The following ADAMTS12 variants were observed in gnomAD, a reference collection of about 807,000 sequenced individuals.
The protein encoded by ADAMTS12 is A disintegrin and metalloproteinase with thrombospondin motifs 12.
ADAMTS12 carries 118 observed loss-of-function variants against 167.8 expected under a neutral mutation model. The ratio of observed to expected loss-of-function variants is 0.70; its 90% CI spans 0.61 to 0.82. The LOEUF is 0.82. Among genes scored for constraint, ADAMTS12 ranks in the 40% least tolerant of loss-of-function variants. The pLI is 0.00. For synonymous variants in ADAMTS12, 704 were observed against 716.9 expected, an observed-to-expected ratio of 0.98 and a Z score of 0.29; for missense variants, 1,916 against 1,998.8, an observed-to-expected ratio of 0.96 and a Z score of 0.79.
At chr5:33,585,145 T>C (rs1039708731) in intron 18 of ADAMTS12, among the ~76,000 whole-genome samples, 1 of 152,164 alleles carries the variant, frequency 6.6e-6, no homozygotes, top group Non-Finnish European at 1.5e-5. Flanking sequence ...GGAGCCATGA[T>C]TAAAAATCTC....
At position 33,808,461 on chromosome 5, in the gene ADAMTS12, C is replaced by A. The variant is rs73759402; in HGVS notation, c.490-56913G>T. Reference sequence around the variant, plus strand: ...CTAATGTGTAGTCAAGTTTGAGAACCAGTTATCTAGAGGTATTATAGGAAT... The same window carrying A: ...CTAATGTGTAGTCAAGTTTGAGAACAAGTTATCTAGAGGTATTATAGGAAT... On this transcript the variant is annotated intron_variant, in intron 2 of 23. Transcript: ENST00000504830. 6.2e-3 allele frequency among the ~76,000 whole-genome samples: 945 copies of A among 152,250 alleles called. 10 individuals carry two copies. The highest frequency in any genetic ancestry group is 0.022 in the African/African-American group (901 of 41,530).
intron 3 of ADAMTS12, among the ~76,000 whole-genome samples, chr5:33,716,324 G>T (rs1273945282): frequency 1.3e-5 from 2 of 152,024 alleles, no homozygotes; most frequent in Non-Finnish European, 2.9e-5. Context: ...TGAACTGTTA[G>T]AAATAAATTT....
chr5:33,861,632 TA>T (rs1186175714), intron 2 of ADAMTS12, among the ~76,000 whole-genome samples: 5 of 152,056 alleles, frequency 3.3e-5, no homozygotes, highest in Non-Finnish European at 5.9e-5. Context: ...GACAGAAAAT[TA>T]ACAAGGATAT....
intron 2 of ADAMTS12, among the ~76,000 whole-genome samples, chr5:33,822,545 T>C (rs1359541052): frequency 2.0e-5 from 3 of 152,190 alleles, no homozygotes; most frequent in African/African-American, 4.8e-5. Flanking sequence ...AGACATCAAG[T>C]GTTTTTCAAC....
intron 5 of ADAMTS12, among the ~76,000 whole-genome samples, chr5:33,671,749 CACAA>C (rs1364399683): frequency 4.6e-5 from 7 of 151,552 alleles, no homozygotes; most frequent in Non-Finnish European, 7.4e-5. Context: ...CCCACATACT[CACAA>C]ACACACACAC....
rs1738876958 is a variant in ADAMTS12 at position 33,614,318 on chromosome 5, C to T, written c.2447G>A (p.Gly816Asp). The T allele has an allele frequency of 6.2e-7, 1 of 1,614,000 alleles. No individual in the cohort carries two copies. The highest frequency in any genetic ancestry group is 8.5e-7 in the Non-Finnish European group (1 of 1,180,000). ...IKYEYTIQKDGLDNDVEQQMY... is the reference protein window; with the variant it reads ...IKYEYTIQKDDLDNDVEQQMY... ...CTGCTGCTCAACATCATTGTCAAGG[C>T]CATCTTTCTGGATTGTGTACTCATA... The change falls in exon 16 of 24, where the codon GGC becomes GAC. Residue 816 changes from glycine to aspartate, a missense_variant. By Grantham distance (94) the Gly-to-Asp change is moderately conservative (BLOSUM62 -1). Transcript: ENST00000504830.
intron 19 of ADAMTS12, among the ~76,000 whole-genome samples, chr5:33,568,366 G>A (rs1561131470): frequency 6.6e-6 from 1 of 152,156 alleles, no homozygotes; most frequent in Admixed American, 6.5e-5. Flanking sequence ...AAATTTTGGA[G>A]GTGGTTTGAA....
chr5:33,625,517 T>TG (rs1304154020), intron 13 of ADAMTS12, among the ~76,000 whole-genome samples: 2 of 152,192 alleles, frequency 1.3e-5, no homozygotes, highest in Non-Finnish European at 2.9e-5. Flanking sequence ...CTATGGAGAT[T>TG]GACTCTGAGG....
intron 14 of ADAMTS12, among the ~76,000 whole-genome samples, chr5:33,622,562 A>G (rs548362649): frequency 5.1e-4 from 78 of 152,226 alleles, no homozygotes; most frequent in African/African-American, 1.8e-3. Flanking sequence ...GCTGAGGCAG[A>G]AGAATTGCTT....
intron 18 of ADAMTS12, among the ~76,000 whole-genome samples, chr5:33,579,948 G>T (rs385224): frequency 0.21 from 32,381 of 152,182 alleles, 3,554 homozygotes; most frequent in Non-Finnish European, 0.24. Context: ...GGTGTGACGT[G>T]AGCAGCTGTC....
chr5:33,607,927 C>T (rs1206895156), intron 16 of ADAMTS12, among the ~76,000 whole-genome samples: 9 of 152,082 alleles, frequency 5.9e-5, no homozygotes, highest in Non-Finnish European at 1.2e-4. Context: ...TTAATACTAA[C>T]ACATATATAA....
intron 3 of ADAMTS12, among the ~76,000 whole-genome samples, chr5:33,715,365 G>A (rs1457199734): frequency 6.6e-6 from 1 of 152,012 alleles, no homozygotes; most frequent in Non-Finnish European, 1.5e-5. Flanking sequence ...AGCAAGTTTG[G>A]GGGGACACTA....
chr5:33,709,645 A>C (rs1206523687), intron 3 of ADAMTS12, among the ~76,000 whole-genome samples: 13 of 152,000 alleles, frequency 8.6e-5, no homozygotes, highest in African/African-American at 3.1e-4. Context: ...TATAAGTGGG[A>C]GCTGAACACT....
intron 7 of ADAMTS12, among the ~76,000 whole-genome samples, chr5:33,656,192 A>G (rs1215279679): frequency 6.6e-6 from 1 of 152,194 alleles, no homozygotes; most frequent in African/African-American, 2.4e-5. Flanking sequence ...ACTTACTACA[A>G]TATCAAAGTG....
chr5:33,592,170 G>A (rs558238106), intron 17 of ADAMTS12, among the ~76,000 whole-genome samples: 15 of 151,906 alleles, frequency 9.9e-5, no homozygotes, highest in Non-Finnish European at 1.6e-4. Flanking sequence ...CGGAGGTTGC[G>A]GTGAGCCGAG....
chr5:33,566,966 C>T (rs1284414558), intron 19 of ADAMTS12, among the ~76,000 whole-genome samples: 1 of 152,158 alleles, frequency 6.6e-6, no homozygotes, highest in African/African-American at 2.4e-5. Context: ...CCATTGTTAG[C>T]CTGGGTTCCC....
intron 2 of ADAMTS12, among the ~76,000 whole-genome samples, chr5:33,800,534 T>C (rs1465461496): frequency 1.3e-5 from 2 of 152,234 alleles, no homozygotes; most frequent in African/African-American, 2.4e-5. Context: ...TCTACGACAA[T>C]TCTCACAATT....
intron 3 of ADAMTS12, among the ~76,000 whole-genome samples, chr5:33,708,100 G>GA (rs1194926678): frequency 1.3e-5 from 2 of 151,874 alleles, no homozygotes; most frequent in South Asian, 2.1e-4. Flanking sequence ...AAATTTACAA[G>GA]AAAAAAACAA....
intron 2 of ADAMTS12, among the ~76,000 whole-genome samples, chr5:33,835,946 T>TCCCC (rs1486637937): frequency 2.4e-4 from 9 of 38,182 alleles, no homozygotes; most frequent in African/African-American, 5.0e-4. Context: ...TCTCTCTCTC[T>TCCCC]CTCTCTCTGT....
Sources: allele counts gnomAD v4.1 joint callset (sites outside exome capture counted in the v4.1 genomes callset), GRCh38; gene constraint gnomAD v4.1.1; transcripts MANE v1.5; gene names NCBI Gene and HGNC (gene_info 2026-07-23, HGNC 2026-07-21).